Variants in ZDHHC18 observed in about 807,000 individuals in gnomAD.
The protein encoded by ZDHHC18 is palmitoyltransferase ZDHHC18.
A neutral mutation model predicts 37.5 loss-of-function variants in ZDHHC18; 23 were observed. The observed-to-expected ratio is 0.61, with a 90% CI of 0.44 to 0.87. The LOEUF (loss-of-function observed/expected upper bound fraction) is 0.87, where lower values mean the gene tolerates loss of function less well. Ranked by LOEUF, ZDHHC18 falls within the 40% of genes least tolerant of loss-of-function variation. ZDHHC18 has a pLI of 0.00. For synonymous variants in ZDHHC18, 185 were observed against 218.7 expected (o/e 0.85, Z 1.36); for missense variants, 406 against 525.6 (o/e 0.77, Z 2.22).
chr1:26,837,788 A>G (rs543165537), intron 2 of ZDHHC18, among the ~76,000 whole-genome samples: 2 of 150,944 alleles, frequency 1.3e-5, no homozygotes, highest in South Asian at 2.1e-4. Flanking sequence ...CCCCTCTTCT[A>G]TCTTCTTGAA....
intron 2 of ZDHHC18, among the ~76,000 whole-genome samples, chr1:26,836,191 C>G (rs1455332236): frequency 6.6e-6 from 1 of 152,186 alleles, no homozygotes; most frequent in Non-Finnish European, 1.5e-5. Flanking sequence ...GACAGATGCT[C>G]ACTTAGACCC....
intron 2 of ZDHHC18, among the ~76,000 whole-genome samples, chr1:26,848,095 C>T (rs1431807295): frequency 6.6e-6 from 1 of 152,136 alleles, no homozygotes; most frequent in Non-Finnish European, 1.5e-5. Flanking sequence ...GGCAGATCAC[C>T]TGAGGTCAGG....
At position 26,853,735 on chromosome 1, in the gene ZDHHC18, C is replaced by G. The variant is rs1189067961; in HGVS notation, c.1059C>G (p.Asp353Glu). The G allele has an allele frequency of 1.2e-6, 2 of 1,613,916 alleles. No homozygotes were observed. Among genetic ancestry groups the G allele is most frequent in the African/African-American group, 1.3e-5 (1 of 74,914 alleles). The change falls in exon 8 of 8, where the codon GAC becomes GAG. Residue 353 changes from aspartate (D) to glutamate (E), a missense_variant. By Grantham distance (45) the Asp-to-Glu change is conservative. Transcript: ENST00000374142. The part of the protein sequence containing the change: ...LCGPLPPSLI[D>E]RRGFVQSDTV... ...CCTTGTGTTTTGGAAGCCTAATTGACCGGAGGGGATTTGTGCAGTCCGACA... is the reference window on the plus strand; with the variant it reads ...CCTTGTGTTTTGGAAGCCTAATTGAGCGGAGGGGATTTGTGCAGTCCGACA...
At position 26,850,625 on chromosome 1, in the gene ZDHHC18, A is replaced by G; in HGVS notation, c.833+19A>G. The G allele has an allele frequency of 6.2e-7, 1 of 1,613,932 alleles. No individual in the cohort carries two copies. The highest frequency in any genetic ancestry group is 8.5e-7 in the Non-Finnish European group (1 of 1,179,948). On this transcript the variant is annotated intron_variant, in intron 5 of 7. Transcript: ENST00000374142. The surrounding 1 kb of genome is among the most constrained non-coding windows in gnomAD (Gnocchi z 6.1). ...CAGCAAGATATCCTTTGTCAGCTAG[A>G]GGACACTCCAGTGGGAACTGAGGTC...
chr1:26,852,847 G>A lies in ZDHHC18; in HGVS notation c.1031G>A (p.Cys344Tyr). The A allele has an allele frequency of 6.2e-7, 1 of 1,613,956 alleles. No homozygotes were observed. The highest frequency in any genetic ancestry group is 8.5e-7 in the Non-Finnish European group (1 of 1,179,908). ...SIITNCCAVL[C>Y]GPLPPSLIDR... Reference sequence around the variant, plus strand: ...ATCACCAACTGCTGTGCTGTGCTCTGTGGCCCCCTACCTCCCAGGTAAGTG... The same window carrying A: ...ATCACCAACTGCTGTGCTGTGCTCTATGGCCCCCTACCTCCCAGGTAAGTG... Residue 344 changes from cysteine to tyrosine, a missense_variant, in exon 7 of 8, where the codon TGT (cysteine) becomes TAT (tyrosine). Physicochemically the swap from Cys to Tyr is radical, Grantham distance 194 (BLOSUM62 -2). Transcript: ENST00000374142.
At chr1:26,831,094 TAGTG>T (rs1450966903) in intron 1 of ZDHHC18, among the ~76,000 whole-genome samples, 1 of 152,218 alleles carries the variant, frequency 6.6e-6, no homozygotes, top group East Asian at 1.9e-4. Flanking sequence ...GCTTATGTTT[TAGTG>T]AGAGAAAAAT....
chr1:26,840,064 T>C lies in ZDHHC18; in HGVS notation c.496+7457T>C, dbSNP rs569297838. 2.0e-5 allele frequency among the ~76,000 whole-genome samples: 3 copies of C among 152,330 alleles called. No individual in the cohort carries two copies. In the East Asian group the frequency reaches 5.8e-4, roughly 29 times the overall value. On this transcript the variant is annotated intron_variant, in intron 2 of 7. Transcript: ENST00000374142. The stretch of plus-strand genomic sequence containing the variant: ...GGGTACAGAGCTTCATTTGCTCTTC[T>C]GCAGAGTGCTGGAGAGAAAGAAGCC...
chr1:26,844,688 G>A (rs1035149076), intron 2 of ZDHHC18, among the ~76,000 whole-genome samples: 3 of 152,082 alleles, frequency 2.0e-5, no homozygotes, highest in African/African-American at 7.2e-5. Context: ...CCAACACTTG[G>A]TATGTTTTAT....
chr1:26,837,260 AT>A (rs1375548907), intron 2 of ZDHHC18, among the ~76,000 whole-genome samples: 31 of 126,308 alleles, frequency 2.5e-4, no homozygotes, highest in East Asian at 1.1e-3. Context: ...CTCAAAAAAA[AT>A]ATATATATAT....
Position 26,832,524 on chromosome 1 carries a change from G to A in ZDHHC18, c.413G>A (p.Cys138Tyr), listed in dbSNP as rs1480045349. The A allele has an allele frequency of 6.2e-7, 1 of 1,614,052 alleles. No individual in the cohort carries two copies. Among genetic ancestry groups the A allele is most frequent in the Non-Finnish European group, 8.5e-7 (1 of 1,180,026 alleles). Reference sequence around the variant, plus strand: ...ATCCTCTTCTTCTTCGTCATGAGCTGCCTGCTGCAGACAAGCTTCACCGAC... The same window carrying A: ...ATCCTCTTCTTCTTCGTCATGAGCTACCTGCTGCAGACAAGCTTCACCGAC... ...AAILFFFVMS[C>Y]LLQTSFTDPG... Residue 138 changes from cysteine to tyrosine, a missense_variant, in exon 2 of 8, where the codon TGC becomes TAC. By Grantham distance (194) the Cys-to-Tyr change is radical. Coordinates refer to ENST00000374142, the MANE Select transcript of ZDHHC18 (RefSeq NM_032283.3).
Position 26,853,759 on chromosome 1 carries a change from C to A in ZDHHC18, c.1083C>A (p.Asp361Glu), listed in dbSNP as rs1343822136. ...ACCGGAGGGGATTTGTGCAGTCCGA[C>A]ACCGTGTTGCCCTCACCCATCAGAA... ...LIDRRGFVQSDTVLPSPIRSD... is the reference protein window; with the variant it reads ...LIDRRGFVQSETVLPSPIRSD... Residue 361 changes from aspartate to glutamate, a missense_variant, in exon 8 of 8, where the codon GAC becomes GAA. By Grantham distance (45) the Asp-to-Glu change is conservative (BLOSUM62 2). Coordinates refer to ENST00000374142, the MANE Select transcript of ZDHHC18 (RefSeq NM_032283.3). 6.2e-7 allele frequency: 1 copy of A among 1,613,980 alleles called. No individual in the cohort carries two copies. The highest frequency in any genetic ancestry group is 8.5e-7 in the Non-Finnish European group (1 of 1,180,034).
intron 2 of ZDHHC18, among the ~76,000 whole-genome samples, chr1:26,836,988 C>T (rs1012487804): frequency 1.0e-4 from 15 of 147,878 alleles, no homozygotes; most frequent in Non-Finnish European, 1.8e-4. Context: ...GTGGCTCATG[C>T]CTGTAATCCC....
chr1:26,855,091 C>G lies in ZDHHC18; in HGVS notation c.*1248C>G, dbSNP rs1305920035. 6.6e-6 allele frequency: 1 copy of G among 152,322 alleles called. No homozygotes were observed. The highest frequency in any genetic ancestry group is 1.9e-4 in the East Asian group (1 of 5,196). The allele number at this position is 152,322 out of a possible 1,614,324, so 9.4% of individuals were successfully genotyped here. A position where few individuals can be genotyped will look rare whatever the true frequency, so the allele number is the denominator to read the frequency against. The stretch of plus-strand genomic sequence containing the variant: ...GGGGACTCTGCCACTCTACCCCCAG[C>G]CCTACCCACCAGCCCCCAGGTGAGG... On this transcript the variant is annotated 3_prime_UTR_variant, in exon 8 of 8. Transcript: ENST00000374142.
At position 26,853,944 on chromosome 1, in the gene ZDHHC18, C is replaced by T. The variant is rs2081720343; in HGVS notation, c.*101C>T. 3 of 1,047,154 alleles carry T rather than the reference C, an allele frequency of 2.9e-6. No individual in the cohort carries two copies. In the Admixed American group the frequency reaches 5.8e-5, roughly 20 times the overall value. 64.9% of individuals were successfully genotyped at this position (1,047,154 alleles called of 1,614,324 possible). On this transcript the variant is annotated 3_prime_UTR_variant, in exon 8 of 8. Transcript: ENST00000374142. Reference sequence around the variant, plus strand: ...CCAAGGGAAGCAGAACTGCCAAAGACTCAAGTCTTTTCATATTTATTTCCC... The same window carrying T: ...CCAAGGGAAGCAGAACTGCCAAAGATTCAAGTCTTTTCATATTTATTTCCC...
At chr1:26,833,491 T>C (rs1222485141) in intron 2 of ZDHHC18, among the ~76,000 whole-genome samples, 1 of 151,888 alleles carries the variant, frequency 6.6e-6, no homozygotes, top group Non-Finnish European at 1.5e-5. Context: ...AATACGGGGA[T>C]CTGGGAAAAG....
chr1:26,852,645 A>G (rs2081711428), intron 6 of ZDHHC18, 108 bp from the exon 7 acceptor site: 1 of 884,240 alleles, frequency 1.1e-6, no homozygotes, highest in Admixed American at 2.3e-5. Context: ...GCCTTCTGTA[A>G]CCAGAATTGG....
Position 26,850,185 on chromosome 1 carries a change from C to T in ZDHHC18, c.647-116C>T. On this transcript the variant is annotated intron_variant, in intron 3 of 7. Coordinates refer to ENST00000374142, the MANE Select transcript of ZDHHC18 (RefSeq NM_032283.3). The surrounding 1 kb of genome is among the most constrained non-coding windows in gnomAD (Gnocchi z 6.1). ...GGTGTGTCCAAGGCCTGGGAGCCAG[C>T]TGGTGCTGCGAGAGTGAACGGGGTA... 7.4e-7 allele frequency: 1 copy of T among 1,344,882 alleles called. No individual in the cohort carries two copies. Among genetic ancestry groups the T allele is most frequent in the Non-Finnish European group, 1.0e-6 (1 of 982,808 alleles). 83.3% of individuals were successfully genotyped at this position (1,344,882 alleles called of 1,614,324 possible).
Position 26,856,133 on chromosome 1 carries a change from G to C in ZDHHC18, c.*2290G>C. The C allele has an allele frequency of 4.6e-6, 2 of 435,486 alleles. No individual in the cohort carries two copies. Among genetic ancestry groups the C allele is most frequent in the Non-Finnish European group, 9.5e-6 (2 of 209,868 alleles). 27.0% of individuals were successfully genotyped at this position (435,486 alleles called of 1,614,324 possible). A position where few individuals can be genotyped will look rare whatever the true frequency, so the allele number is the denominator to read the frequency against. On this transcript the variant is annotated 3_prime_UTR_variant, in exon 8 of 8. Transcript: ENST00000374142. The surrounding 1 kb of genome is among the most constrained non-coding windows in gnomAD (Gnocchi z 5.2). ...TACCACCTCCAACCTGGGCACCAGG[G>C]CCCAGCCAGACAACTCATAACACTG...
At position 26,852,734 on chromosome 1, in the gene ZDHHC18, G is replaced by A. The variant is rs1020777715; in HGVS notation, c.937-19G>A. On this transcript the variant is annotated intron_variant, in intron 6 of 7. Coordinates refer to ENST00000374142, the MANE Select transcript of ZDHHC18 (RefSeq NM_032283.3). ...AAGCAAAAGGAGGTACTTGACCTAG[G>A]CCTCCTTCCTGCTTGCAGATCAAAG... 5.6e-6 allele frequency: 9 copies of A among 1,610,140 alleles called. No individual in the cohort carries two copies. The Admixed American group carries it at 1.3e-4, about 24-fold the overall frequency.
Sources: gnomAD v4.1 joint callset for allele counts (sites outside exome capture counted in the v4.1 genomes callset) on GRCh38, gnomAD v4.1.1 for gene constraint, Gnocchi (gnomAD v3.1) non-coding constraint, MANE v1.5 for transcripts, NCBI Gene and HGNC (gene_info 2026-07-23, HGNC 2026-07-21) for gene names.